The following EXD3 variants were observed in gnomAD, a reference collection of about 807,000 sequenced individuals.
The protein encoded by EXD3 is exonuclease mut-7 homolog.
In EXD3, 92 loss-of-function variants were observed where a neutral mutation model predicts 98.0. The observed-to-expected ratio is 0.94, with a 90% CI of 0.79 to 1.12. The LOEUF is 1.12. Among genes scored for constraint, EXD3 ranks in the 50% most tolerant of loss-of-function variants. The pLI, the probability that EXD3 is intolerant of heterozygous loss-of-function variation, is 0.00. For missense variants in EXD3, 1,222 were observed against 1,191.6 expected, an observed-to-expected ratio of 1.03 and a Z score of -0.38; for synonymous variants, 569 against 526.0, an observed-to-expected ratio of 1.08 and a Z score of -1.12.
chr9:137,310,879 G>C, intron 19 of EXD3, among the ~76,000 whole-genome samples: 1 of 152,204 alleles, frequency 6.6e-6, no homozygotes, highest in African/African-American at 2.4e-5. Context: ...AGAGGAGGCC[G>C]AGATCCATGG....
intron 5 of EXD3, among the ~76,000 whole-genome samples, chr9:137,368,597 C>G (rs146704819): frequency 2.6e-5 from 4 of 152,208 alleles, no homozygotes; most frequent in Non-Finnish European, 4.4e-5. Flanking sequence ...TTCCATAAGC[C>G]GCGCTCCCAT....
chr9:137,328,364 A>T (rs62586828), intron 17 of EXD3, among the ~76,000 whole-genome samples: 72 of 534 alleles, frequency 0.13, 1 homozygote, highest in South Asian at 0.25. Flanking sequence ...ACAACGAATA[A>T]ACACCCATAT....
chr9:137,391,203 C>T (rs1232303593), intron 2 of EXD3, among the ~76,000 whole-genome samples: 2 of 152,262 alleles, frequency 1.3e-5, no homozygotes, highest in Non-Finnish European at 2.9e-5. Context: ...TCCAGGAACC[C>T]GCACGTTCAC....
chr9:137,334,460 T>C (rs1833253194), intron 17 of EXD3, among the ~76,000 whole-genome samples: 1 of 152,190 alleles, frequency 6.6e-6, no homozygotes, highest in East Asian at 1.9e-4. Flanking sequence ...TTTGACAAAG[T>C]ATAAATAAAC....
At chr9:137,337,533 C>A (rs1374941434) in intron 17 of EXD3, among the ~76,000 whole-genome samples, 3 of 151,918 alleles carry the variant, frequency 2.0e-5, no homozygotes, top group Non-Finnish European at 4.4e-5. Flanking sequence ...CACCTGTAAT[C>A]CCAGCTACTT....
intron 10 of EXD3, chr9:137,354,120 A>C: frequency 7.4e-7 from 1 of 1,358,342 alleles, no homozygotes; most frequent in Non-Finnish European, 9.5e-7. Context: ...AACGAGGCCC[A>C]GTCAGGCTCT....
chr9:137,389,448 G>A (rs1412019056), intron 2 of EXD3, among the ~76,000 whole-genome samples: 1 of 152,178 alleles, frequency 6.6e-6, no homozygotes, highest in East Asian at 1.9e-4. Context: ...ATGAAGCCGA[G>A]GGCCTTGGAG....
At chr9:137,384,793 T>C (rs970386506) in intron 2 of EXD3, among the ~76,000 whole-genome samples, 1 of 152,016 alleles carries the variant, frequency 6.6e-6, no homozygotes, top group Non-Finnish European at 1.5e-5. Context: ...CTGGGAGAAA[T>C]GTAACAAAAG....
rs2131758052 is a variant in EXD3 at position 137,393,425 on chromosome 9, G to A, written c.55+1878C>T. Among the ~76,000 whole-genome samples the A allele has an allele frequency of 6.6e-6, 1 of 152,298 alleles. No homozygotes were observed. The highest frequency in any genetic ancestry group is 1.9e-4 in the East Asian group (1 of 5,184). On this transcript the variant is annotated intron_variant, in intron 2 of 21. Coordinates refer to ENST00000340951, the MANE Select transcript of EXD3 (RefSeq NM_017820.5). The surrounding 1 kb of genome is among the most constrained non-coding windows in gnomAD (Gnocchi z 4.6). ...GAGGGGGTCTGGGCCCATCCCCAGA[G>A]GGGCAGGTGTGTGGTCAGGGCCCCA...
At position 137,395,438 on chromosome 9, in the gene EXD3, C is replaced by G; in HGVS notation, c.-47-34G>C. The G allele has an allele frequency of 6.3e-7, 1 of 1,594,554 alleles. No homozygotes were observed. The highest frequency in any genetic ancestry group is 8.6e-7 in the Non-Finnish European group (1 of 1,165,274). On this transcript the variant is annotated intron_variant, in intron 1 of 21. Transcript: ENST00000340951. This position sits in a 1 kb window ranked among gnomAD's most constrained non-coding sequence, Gnocchi z 6.5. ...ACAGACAATCAGGTGAATGCAGAGC[C>G]CACTGCAACAGGCAGCCATGCAGAG...
intron 7 of EXD3, chr9:137,365,663 C>A (rs1243709674): frequency 1.6e-5 from 4 of 248,938 alleles, no homozygotes; most frequent in Admixed American, 5.1e-5. Flanking sequence ...ACACACACCA[C>A]ACGCACACAC....
chr9:137,372,538 C>T lies in EXD3; in HGVS notation c.462+367G>A, dbSNP rs189602257. ...CTACTGGCTGATTCTGTGAAGGTTC[C>T]GGAGGCGCAGAGGCTAACAGACATG... is the stretch of plus-strand genomic sequence containing the variant. On this transcript the variant is annotated intron_variant, in intron 5 of 21. Coordinates refer to ENST00000340951, the MANE Select transcript of EXD3 (RefSeq NM_017820.5). Among the ~76,000 whole-genome samples, 17 of 152,344 alleles carry T rather than the reference C, an allele frequency of 1.1e-4. 1 individual carries two copies. Among genetic ancestry groups the T allele is most frequent in the African/African-American group, 3.6e-4 (15 of 41,586 alleles).
intron 7 of EXD3, among the ~76,000 whole-genome samples, chr9:137,363,580 C>T (rs1317691209): frequency 2.0e-5 from 3 of 152,024 alleles, no homozygotes; most frequent in Middle Eastern, 3.4e-3. Context: ...TCAGGTGATC[C>T]GCCTGCCTCG....
At chr9:137,357,391 T>C (rs1462461959) in intron 7 of EXD3, 1 of 152,198 alleles carries the variant, frequency 6.6e-6, no homozygotes, top group Non-Finnish European at 1.5e-5. Context: ...TGGACCTTCT[T>C]GACAGAATCT....
At position 137,371,305 on chromosome 9, in the gene EXD3, T is replaced by C. The variant is rs910129354; in HGVS notation, c.462+1600A>G. Among the ~76,000 whole-genome samples, 27 of 152,170 alleles carry C rather than the reference T, an allele frequency of 1.8e-4. No homozygotes were observed. The highest frequency in any genetic ancestry group is 3.7e-4 in the Non-Finnish European group (25 of 68,014). On this transcript the variant is annotated intron_variant, in intron 5 of 21. Transcript: ENST00000340951. This position sits in a 1 kb window ranked among gnomAD's most constrained non-coding sequence, Gnocchi z 8.0. Reference sequence around the variant, plus strand: ...TCCTGCATTGTCCTGTGCCGGGACATGGTGGCTTCTCAGCGCCATGCACCC... The same window carrying C: ...TCCTGCATTGTCCTGTGCCGGGACACGGTGGCTTCTCAGCGCCATGCACCC...
Position 137,348,175 on chromosome 9 carries a change from C to T in EXD3, c.1894G>A (p.Val632Met), listed in dbSNP as rs1834034390. 6.2e-7 allele frequency: 1 copy of T among 1,612,056 alleles called. No individual in the cohort carries two copies. The highest frequency in any genetic ancestry group is 1.7e-5 in the Admixed American group (1 of 59,952). The change falls in exon 17 of 22, where the codon GTG becomes ATG. Residue 632 changes from valine to methionine, a missense_variant. By Grantham distance (21) the Val-to-Met change is conservative. Transcript: ENST00000340951. ...CCCTGCAGCATGTTGTCACACACCACACGGAAGGCCCTGGCCGGAATCTGA... is the reference window on the plus strand; with the variant it reads ...CCCTGCAGCATGTTGTCACACACCATACGGAAGGCCCTGGCCGGAATCTGA... ...APQIPARAFR[V>M]VCDNMLQGLA...
rs142686183 is a variant in EXD3 at position 137,400,398 on chromosome 9, G to A, written c.-47-4994C>T. ...ATCTGAGACAAGGCAAGTCTCTTCC[G>A]CCTATGAGCCTGTAAAATCAAAAGC... On this transcript the variant is annotated intron_variant, in intron 1 of 21. Coordinates refer to ENST00000340951, the MANE Select transcript of EXD3 (RefSeq NM_017820.5). 3.9e-3 allele frequency among the ~76,000 whole-genome samples: 595 copies of A among 152,250 alleles called. 5 individuals carry two copies. Among genetic ancestry groups the A allele is most frequent in the African/African-American group, 0.014 (573 of 41,522 alleles).
At chr9:137,390,806 C>T (rs1464243023) in intron 2 of EXD3, among the ~76,000 whole-genome samples, 3 of 152,176 alleles carry the variant, frequency 2.0e-5, no homozygotes, top group African/African-American at 4.8e-5. Flanking sequence ...GGGCAGGCGC[C>T]GGGCCAGGCC....
chr9:137,417,696 G>A (rs1838303101), intron 1 of EXD3, among the ~76,000 whole-genome samples: 1 of 152,196 alleles, frequency 6.6e-6, no homozygotes, highest in African/African-American at 2.4e-5. Flanking sequence ...CGCCACGAAC[G>A]GAACAGGAGG....
Sources: gnomAD v4.1 joint callset for allele counts (sites outside exome capture counted in the v4.1 genomes callset) on GRCh38, gnomAD v4.1.1 for gene constraint, Gnocchi (gnomAD v3.1) non-coding constraint, MANE v1.5 for transcripts, NCBI Gene and HGNC (gene_info 2026-07-23, HGNC 2026-07-21) for gene names.